The following NECTIN3 variants were observed in gnomAD, a reference collection of about 807,000 sequenced individuals.
NECTIN3 encodes nectin-3.
Under a neutral mutation model 49.4 loss-of-function variants are expected in NECTIN3, and 8 were observed. The observed-to-expected ratio is 0.16, with a 90% confidence interval of 0.10 to 0.29. The LOEUF (loss-of-function observed/expected upper bound fraction) is 0.29. Among genes scored for constraint, NECTIN3 ranks in the 10% least tolerant of loss-of-function variants. The pLI, the probability that NECTIN3 is intolerant of heterozygous loss-of-function variation, is 1.00. For missense variants in NECTIN3, 581 were observed against 654.6 expected, an observed-to-expected ratio of 0.89 and a Z score of 1.23; for synonymous variants, 277 against 241.1, an observed-to-expected ratio of 1.15 and a Z score of -1.38.
intron 5 of NECTIN3, among the ~76,000 whole-genome samples, chr3:111,131,967 C>G (rs1431245633): frequency 6.6e-6 from 1 of 151,750 alleles, no homozygotes; most frequent in Non-Finnish European, 1.5e-5. Context: ...GGATGACATT[C>G]AATACATTAA....
downstream of NECTIN3, among the ~76,000 whole-genome samples, chr3:111,139,666 A>G (rs976741635): frequency 2.6e-5 from 4 of 151,846 alleles, no homozygotes; most frequent in Non-Finnish European, 4.4e-5. Flanking sequence ...AATAATTGTC[A>G]TGCTGCTTCC....
intron 1 of NECTIN3, among the ~76,000 whole-genome samples, chr3:111,088,618 A>G (rs1482442226): frequency 1.3e-5 from 2 of 152,172 alleles, no homozygotes; most frequent in East Asian, 3.8e-4. Flanking sequence ...TCTGCTATAC[A>G]ACTCTACTGA....
intron 7 of NECTIN3, among the ~76,000 whole-genome samples, chr3:111,165,906 A>G (rs2035309572): frequency 6.6e-6 from 1 of 152,212 alleles, no homozygotes; most frequent in Non-Finnish European, 1.5e-5. Flanking sequence ...TAATTCAGAA[A>G]CCAGTAACCT....
chr3:111,183,256 A>T (rs538930246), intron 7 of NECTIN3, among the ~76,000 whole-genome samples: 1 of 152,092 alleles, frequency 6.6e-6, no homozygotes, highest in South Asian at 2.1e-4. Flanking sequence ...TACCTTTTCC[A>T]TAACATTTCT....
chr3:111,132,633 A>C (rs1414196639), intron 5 of NECTIN3, among the ~76,000 whole-genome samples: 1 of 151,820 alleles, frequency 6.6e-6, no homozygotes, highest in Non-Finnish European at 1.5e-5. Context: ...TTTGCTATTT[A>C]TGTTTAGTTG....
chr3:111,162,170 G>A (rs1477849), intron 7 of NECTIN3, among the ~76,000 whole-genome samples: 8,018 of 151,928 alleles, frequency 0.053, 689 homozygotes, highest in African/African-American at 0.18. Flanking sequence ...TAACCTCTGG[G>A]TTACATAGAC....
upstream of NECTIN3, among the ~76,000 whole-genome samples, chr3:111,190,073 G>A (rs553696136): frequency 9.8e-5 from 15 of 152,326 alleles, no homozygotes; most frequent in African/African-American, 3.6e-4. Context: ...TGTCTCATTA[G>A]ACCACTTACA....
intron 1 of NECTIN3, among the ~76,000 whole-genome samples, chr3:111,096,743 G>C (rs540497382): frequency 2.6e-5 from 4 of 152,318 alleles, no homozygotes; most frequent in African/African-American, 9.6e-5. Flanking sequence ...AGCCTTGGCA[G>C]CTTCCACGTG....
intron 7 of NECTIN3, among the ~76,000 whole-genome samples, chr3:111,170,943 T>C (rs1253887278): frequency 6.6e-6 from 1 of 152,222 alleles, no homozygotes; most frequent in Non-Finnish European, 1.5e-5. Flanking sequence ...TCATCTTTAA[T>C]ATACAGCTTC....
intron 1 of NECTIN3, chr3:111,077,355 A>AAAAAAAAAAAC (rs1239977418): frequency 3.4e-6 from 1 of 291,530 alleles, no homozygotes; most frequent in African/African-American, 2.2e-5. Context: ...AAAAAAAAAA[A>AAAAAAAAAAAC]AAAAAAAAGA....
chr3:111,083,580 C>G (rs534770454), intron 1 of NECTIN3, among the ~76,000 whole-genome samples: 1 of 152,296 alleles, frequency 6.6e-6, no homozygotes, highest in East Asian at 1.9e-4. Context: ...CTTTCATGCT[C>G]CAGAGCTGTA....
chr3:111,134,531 T>A lies in NECTIN3; in HGVS notation c.*316T>A. ...TATGACTTACTTGGTACAAAAATTTTTTAAAAAGGGAACTACCTTGACATT... is the reference window on the plus strand; with the variant it reads ...TATGACTTACTTGGTACAAAAATTTATTAAAAAGGGAACTACCTTGACATT... On this transcript the variant is annotated 3_prime_UTR_variant, in exon 6 of 6. Transcript: ENST00000485303. 1 of 996,468 alleles carries A rather than the reference T, an allele frequency of 1.0e-6. No individual in the cohort carries two copies. Among genetic ancestry groups the A allele is most frequent in the African/African-American group, 1.7e-5 (1 of 57,876 alleles). 61.7% of individuals were successfully genotyped at this position (996,468 alleles called of 1,614,324 possible). A position where few individuals can be genotyped will look rare whatever the true frequency, so the allele number is the denominator to read the frequency against.
chr3:111,186,893 G>C (rs576325921), intron 7 of NECTIN3, among the ~76,000 whole-genome samples: 127 of 152,262 alleles, frequency 8.3e-4, no homozygotes, highest in Admixed American at 1.4e-3. Context: ...AATAATATAT[G>C]CTGTGTATCC....
chr3:111,087,644 C>T (rs528558017), intron 1 of NECTIN3, among the ~76,000 whole-genome samples: 1 of 151,654 alleles, frequency 6.6e-6, no homozygotes, highest in East Asian at 2.0e-4. Context: ...CAGAGCGAGA[C>T]TCTGTCTCAA....
chr3:111,188,510 A>G (rs575168614), upstream of NECTIN3, among the ~76,000 whole-genome samples: 6 of 152,272 alleles, frequency 3.9e-5, no homozygotes, highest in Non-Finnish European at 5.9e-5. Flanking sequence ...CAGGTCTGAG[A>G]ACTTTCTCTT....
In NECTIN3 at chr3:111,135,992, A is replaced by G; in HGVS notation, c.*1777A>G. ...AATATGGTTAATCACTTATATACAA[A>G]TATTACAACTTTTTAGTGCAAGTTT... On this transcript the variant is annotated 3_prime_UTR_variant, in exon 6 of 6. Coordinates refer to ENST00000485303, the MANE Select transcript of NECTIN3 (RefSeq NM_015480.3). 6 of 957,952 alleles carry G rather than the reference A, an allele frequency of 6.3e-6. No homozygotes were observed. The highest frequency in any genetic ancestry group is 7.5e-6 in the Non-Finnish European group (6 of 805,280). 59.3% of individuals were successfully genotyped at this position (957,952 alleles called of 1,614,324 possible).
At chr3:111,164,400 C>T (rs2035277255) in intron 7 of NECTIN3, among the ~76,000 whole-genome samples, 1 of 152,180 alleles carries the variant, frequency 6.6e-6, no homozygotes, top group Admixed American at 6.5e-5. Context: ...CATAGTCAGC[C>T]TTCAAAGGGG....
chr3:111,149,458 G>GGTGTGTGT (rs1559809006), intron 7 of NECTIN3, among the ~76,000 whole-genome samples: 4 of 109,554 alleles, frequency 3.7e-5, no homozygotes, highest in African/African-American at 1.2e-4. Flanking sequence ...ATTCTGGTAG[G>GGTGTGTGT]ATGTGTGTGT....
chr3:111,075,462 A>T (rs990381589), intron 1 of NECTIN3, among the ~76,000 whole-genome samples: 2 of 152,032 alleles, frequency 1.3e-5, no homozygotes, highest in Admixed American at 1.3e-4. Flanking sequence ...GCTGATGGAG[A>T]TCTTGTGAGA....
Sources: allele counts gnomAD v4.1 joint callset (sites outside exome capture counted in the v4.1 genomes callset), GRCh38; gene constraint gnomAD v4.1.1; transcripts MANE v1.5; gene names NCBI Gene and HGNC (gene_info 2026-07-23, HGNC 2026-07-21).